Variants in THAP4 observed in about 807,000 individuals in gnomAD.
THAP4 encodes peroxynitrite isomerase THAP4.
THAP4 carries 18 observed loss-of-function variants against 48.1 expected under a neutral mutation model. The observed-to-expected ratio is 0.37, with a 90% CI of 0.26 to 0.56. The LOEUF is 0.56. Ranked by LOEUF, THAP4 falls within the 20% of genes least tolerant of loss-of-function variation. The probability of loss-of-function intolerance (pLI) is 0.78; values close to 1 mark genes in which losing one functional copy is unlikely to be tolerated. For missense variants in THAP4, 656 were observed against 774.9 expected (o/e 0.85, Z 1.82); for synonymous variants, 345 against 324.9 (o/e 1.06, Z -0.66).
chr2:241,596,314 C>T (rs1419247767), intron 5 of THAP4, among the ~76,000 whole-genome samples: 1 of 151,416 alleles, frequency 6.6e-6, no homozygotes, highest in Non-Finnish European at 1.5e-5. Flanking sequence ...TGAGAACAGC[C>T]TGGCCAACAT....
rs529652179 is a variant in THAP4 at position 241,610,068 on chromosome 2, G to A, written c.1241-3595C>T. On this transcript the variant is annotated intron_variant, in intron 2 of 5. Transcript: ENST00000407315. The surrounding 1 kb of genome is among the most constrained non-coding windows in gnomAD (Gnocchi z 4.2). ...CCGAGTCCCCGGCACGGCCACCACC[G>A]GCCCCTGGGTCCCGAGGGCCCCGAG... Among the ~76,000 whole-genome samples, 1 of 152,174 alleles carries A rather than the reference G, an allele frequency of 6.6e-6. No homozygotes were observed. Among genetic ancestry groups the A allele is most frequent in the Non-Finnish European group, 1.5e-5 (1 of 68,010 alleles).
chr2:241,613,373 CT>C (rs1234282284), intron 2 of THAP4, among the ~76,000 whole-genome samples: 9 of 152,094 alleles, frequency 5.9e-5, no homozygotes, highest in Non-Finnish European at 1.2e-4. Context: ...TCATAGGACC[CT>C]TGAAGGGGCA....
rs2067185780 is a variant in THAP4 at position 241,606,463 on chromosome 2, C to T, written c.1251G>A (p.Lys417=). ...SLLSPSREPP[K]MNPVVEPLSW... is the part of the protein sequence containing the mutation. ...ACAGTGGCTCCACCACTGGGTTCAT[C>T]TTGGGGGGCTCTGAGGACAAAAGAA... Residue 417 remains lysine, a synonymous_variant, in exon 3 of 6, where the codon AAG becomes AAA. Coordinates refer to ENST00000407315, the MANE Select transcript of THAP4 (RefSeq NM_015963.6). 6.2e-7 allele frequency: 1 copy of T among 1,604,570 alleles called. No individual in the cohort carries two copies. Among genetic ancestry groups the T allele is most frequent in the South Asian group, 1.1e-5 (1 of 89,364 alleles).
At chr2:241,608,598 G>A (rs564283255) in intron 2 of THAP4, among the ~76,000 whole-genome samples, 12 of 152,308 alleles carry the variant, frequency 7.9e-5, no homozygotes, top group African/African-American at 2.2e-4. Context: ...CCTCTGGAAC[G>A]AGGCTTGTGA....
intron 5 of THAP4, among the ~76,000 whole-genome samples, chr2:241,587,696 C>G (rs2066909999): frequency 6.6e-6 from 1 of 151,888 alleles, no homozygotes; most frequent in Admixed American, 6.6e-5. Context: ...AAAAAATTCT[C>G]AATTATTTGG....
intron 2 of THAP4, among the ~76,000 whole-genome samples, chr2:241,628,245 G>A (rs531229033): frequency 1.3e-5 from 2 of 151,764 alleles, no homozygotes; most frequent in East Asian, 1.9e-4. Context: ...CTCTCTCAGC[G>A]AGGCCTGCTC....
chr2:241,635,810 T>G (rs1424141329), intron 1 of THAP4, among the ~76,000 whole-genome samples: 1 of 151,984 alleles, frequency 6.6e-6, no homozygotes, highest in East Asian at 1.9e-4. Context: ...GGCCCTAATG[T>G]GCACATAAGG....
At chr2:241,611,386 C>T (rs1182974371) in intron 2 of THAP4, among the ~76,000 whole-genome samples, 1 of 152,194 alleles carries the variant, frequency 6.6e-6, no homozygotes, top group African/African-American at 2.4e-5. Flanking sequence ...TGCAGGGTTA[C>T]CCACCACCCG....
At chr2:241,614,706 T>G (rs2067316743) in intron 2 of THAP4, among the ~76,000 whole-genome samples, 1 of 151,966 alleles carries the variant, frequency 6.6e-6, no homozygotes, top group African/African-American at 2.4e-5. Flanking sequence ...ACCAACATGA[T>G]GAAACCCCGT....
chr2:241,615,987 A>G (rs949802116), intron 2 of THAP4, among the ~76,000 whole-genome samples: 8 of 152,108 alleles, frequency 5.3e-5, no homozygotes, highest in Admixed American at 3.3e-4. Context: ...ATGGGGACAC[A>G]CTCTGCCCCA....
rs1217249512 is a variant in THAP4 at position 241,607,858 on chromosome 2, C to T, written c.1241-1385G>A. Among the ~76,000 whole-genome samples the T allele has an allele frequency of 3.3e-5, 4 of 121,394 alleles. No individual in the cohort carries two copies. In the East Asian group the frequency reaches 1.0e-3, roughly 31 times the overall value. 79.6% of individuals were successfully genotyped at this position (121,394 alleles called of 152,430 possible). On this transcript the variant is annotated intron_variant, in intron 2 of 5. Transcript: ENST00000407315. ...ACGGACTGATGGGGACAGGATTGGA[C>T]TGACCCCCAGTGTCTCCTCCAGGCC...
At position 241,584,499 on chromosome 2, in the gene THAP4, A is replaced by C. The variant is rs2066866975; in HGVS notation, c.*107T>G. 1.6e-6 allele frequency: 2 copies of C among 1,226,440 alleles called. No homozygotes were observed. The highest frequency in any genetic ancestry group is 3.0e-5 in the African/African-American group (2 of 66,586). The allele number at this position is 1,226,440 out of a possible 1,614,324, so 76.0% of individuals were successfully genotyped here. Reference sequence around the variant, plus strand: ...ATCTGGACAACACTCTTGAGCCTGCAGAGGCTCACGGCCACACCCACTTCT... The same window carrying C: ...ATCTGGACAACACTCTTGAGCCTGCCGAGGCTCACGGCCACACCCACTTCT... On this transcript the variant is annotated 3_prime_UTR_variant, in exon 6 of 6. Transcript: ENST00000407315.
intron 2 of THAP4, 74 bp downstream of exon 2, chr2:241,632,843 G>C: frequency 8.2e-7 from 1 of 1,223,148 alleles, no homozygotes; most frequent in Non-Finnish European, 1.1e-6. Flanking sequence ...AATGCTCAGG[G>C]GACGCTGGCC....
intron 2 of THAP4, among the ~76,000 whole-genome samples, chr2:241,628,616 G>A (rs1397043932): frequency 1.3e-5 from 2 of 150,162 alleles, no homozygotes; most frequent in South Asian, 4.2e-4. Flanking sequence ...TCTACCCTGG[G>A]ACTGCCACAA....
rs747164051 is a variant in THAP4, at chr2:241,616,037, C to T, written c.1241-9564G>A. Among the ~76,000 whole-genome samples, 2 of 152,180 alleles carry T rather than the reference C, an allele frequency of 1.3e-5. No individual in the cohort carries two copies. The highest frequency in any genetic ancestry group is 1.9e-4 in the East Asian group (1 of 5,200). On this transcript the variant is annotated intron_variant, in intron 2 of 5. Transcript: ENST00000407315. This position sits in a 1 kb window ranked among gnomAD's most constrained non-coding sequence, Gnocchi z 4.6. ...GCAGCCCAGAGCCCCTGCCACAAGA[C>T]GCCTGGGAGAACTCAGTCAGGGGGC...
At chr2:241,591,105 C>T (rs2066971056) in intron 5 of THAP4, among the ~76,000 whole-genome samples, 1 of 146,216 alleles carries the variant, frequency 6.8e-6, no homozygotes, top group South Asian at 2.2e-4. Flanking sequence ...ACAGACAGAA[C>T]TGCCAGGCTG....
chr2:241,633,842 G>A lies in THAP4; in HGVS notation c.315C>T (p.Ala105=), dbSNP rs777289265. The change falls in exon 2 of 6, where the codon GCC becomes GCT. Residue 105 remains alanine (A), a synonymous_variant. Coordinates refer to ENST00000407315, the MANE Select transcript of THAP4 (RefSeq NM_015963.6). This position sits in a 1 kb window ranked among gnomAD's most constrained non-coding sequence, Gnocchi z 7.5. ...CCCTCACACCCCCTGTGGCCTTGCT[G>A]GCATCTTTTCTCCGGGTGCGGCCAT... The part of the protein sequence containing the change: ...GGHGRTRRKD[A]SKATGGVRGH... 1.2e-6 allele frequency: 2 copies of A among 1,613,754 alleles called. No homozygotes were observed. Among genetic ancestry groups the A allele is most frequent in the Admixed American group, 1.7e-5 (1 of 60,022 alleles).
At chr2:241,592,586 C>T (rs1278345077) in intron 5 of THAP4, among the ~76,000 whole-genome samples, 1 of 152,210 alleles carries the variant, frequency 6.6e-6, no homozygotes, top group Non-Finnish European at 1.5e-5. Context: ...CACCAACACC[C>T]ACACAAACAG....
chr2:241,637,461 G>C (rs776326800), upstream of THAP4: 2 of 1,464,738 alleles, frequency 1.4e-6, no homozygotes, highest in Non-Finnish European at 9.0e-7. Context: ...ATGGCACACA[G>C]TGTCCCGTCG....
Sources: allele counts gnomAD v4.1 joint callset (sites outside exome capture counted in the v4.1 genomes callset), GRCh38; gene constraint gnomAD v4.1.1; non-coding constraint Gnocchi (gnomAD v3.1); transcripts MANE v1.5; gene names NCBI Gene and HGNC (gene_info 2026-07-23, HGNC 2026-07-21).